Variants in ADGRV1 observed in about 807,000 individuals in gnomAD.
The protein encoded by ADGRV1 is G-protein coupled receptor 98.
Under a neutral mutation model 596.2 loss-of-function variants are expected in ADGRV1, and 359 were observed. The observed-to-expected ratio is 0.60, with a 90% CI of 0.55 to 0.66. The LOEUF is 0.66. Among genes scored for constraint, ADGRV1 ranks in the 30% least tolerant of loss-of-function variants. The pLI is 0.00. For synonymous variants in ADGRV1, 2,681 were observed against 2,679.2 expected, an observed-to-expected ratio of 1.00 and a Z score of -0.02; for missense variants, 7,274 against 7,575.6, an observed-to-expected ratio of 0.96 and a Z score of 1.48.
chr5:90,661,727 C>A (rs971411331), intron 21 of ADGRV1, among the ~76,000 whole-genome samples: 1 of 152,068 alleles, frequency 6.6e-6, no homozygotes, highest in Admixed American at 6.6e-5. Context: ...TAGTGAGAAA[C>A]TGTTTGGGGA....
intron 1 of ADGRV1, among the ~76,000 whole-genome samples, chr5:90,599,384 G>A (rs893769278): frequency 1.3e-5 from 2 of 152,008 alleles, no homozygotes; most frequent in African/African-American, 2.4e-5. Flanking sequence ...CCCTTGACAT[G>A]GAATTTTTAA....
intron 77 of ADGRV1, among the ~76,000 whole-genome samples, chr5:90,837,376 T>C (rs1159838514): frequency 2.0e-5 from 3 of 149,028 alleles, no homozygotes; most frequent in Non-Finnish European, 3.0e-5. Flanking sequence ...TTTTTTTTTT[T>C]CTTTTTTTTT....
chr5:90,878,705 T>A (rs943412197), intron 83 of ADGRV1, among the ~76,000 whole-genome samples: 2 of 152,172 alleles, frequency 1.3e-5, no homozygotes, highest in African/African-American at 4.8e-5. Flanking sequence ...GTCATGATGG[T>A]GTCCTTAAGC....
intron 48 of ADGRV1, among the ~76,000 whole-genome samples, chr5:90,728,265 C>T (rs535630950): frequency 5.7e-4 from 86 of 152,182 alleles, no homozygotes; most frequent in Non-Finnish European, 1.1e-3. Context: ...TTCTATTGCT[C>T]GAGCAATTGA....
intron 34 of ADGRV1, among the ~76,000 whole-genome samples, chr5:90,698,431 A>T (rs919512211): frequency 6.6e-6 from 1 of 152,190 alleles, no homozygotes; most frequent in Non-Finnish European, 1.5e-5. Flanking sequence ...GGTAGTGCTT[A>T]TGCCCAGCTG....
chr5:90,908,522 A>T (rs1772535888), intron 83 of ADGRV1, among the ~76,000 whole-genome samples: 1 of 152,156 alleles, frequency 6.6e-6, no homozygotes. Context: ...TCCTATTCTG[A>T]TTCTTCATAT....
intron 4 of ADGRV1, 78 bp downstream of exon 4, chr5:90,619,259 T>A: frequency 3.2e-6 from 2 of 630,324 alleles, no homozygotes; most frequent in Non-Finnish European, 5.2e-6. Flanking sequence ...TTCATGATGT[T>A]AGCTAGTATC....
chr5:90,845,878 C>T (rs1000868600), intron 78 of ADGRV1, among the ~76,000 whole-genome samples: 3 of 152,120 alleles, frequency 2.0e-5, no homozygotes, highest in African/African-American at 7.2e-5. Context: ...TTATCATATT[C>T]AGTTTGCTTG....
chr5:90,729,527 A>G (rs1392216190), intron 49 of ADGRV1, 115 bp from the exon 50 acceptor site: 1 of 815,508 alleles, frequency 1.2e-6, no homozygotes, highest in Non-Finnish European at 1.9e-6. Context: ...ATTGGACTAA[A>G]TGGATTCTGA....
At chr5:90,740,571 T>C (rs73175300) in intron 50 of ADGRV1, among the ~76,000 whole-genome samples, 1,846 of 152,226 alleles carry the variant, frequency 0.012, 32 homozygotes, top group African/African-American at 0.043. Flanking sequence ...AGCAATGCTG[T>C]TGGGTATTCT....
chr5:91,136,734 G>A (rs1455375523), intron 87 of ADGRV1, among the ~76,000 whole-genome samples: 2 of 152,206 alleles, frequency 1.3e-5, no homozygotes, highest in African/African-American at 4.8e-5. Flanking sequence ...TAAATAAAAT[G>A]TAGTTACACA....
intron 83 of ADGRV1, among the ~76,000 whole-genome samples, chr5:90,956,196 T>G (rs191325171): frequency 1.3e-5 from 2 of 152,288 alleles, no homozygotes; most frequent in Admixed American, 1.3e-4. Context: ...TTTCCCATTA[T>G]ATATTTCAAA....
At chr5:90,810,126 T>C in intron 73 of ADGRV1, 107 bp from the exon 74 acceptor site, 1 of 860,006 alleles carries the variant, frequency 1.2e-6, no homozygotes, top group Non-Finnish European at 1.8e-6. Context: ...CATTGTTAAG[T>C]TGCTGCCCTC....
chr5:90,848,596 A>T (rs1483923199), intron 78 of ADGRV1, 41 bp from the exon 79 acceptor site: 2 of 1,175,342 alleles, frequency 1.7e-6, no homozygotes, highest in South Asian at 4.3e-5. Flanking sequence ...TAAGAAATTT[A>T]TTTTTATAGA....
intron 87 of ADGRV1, among the ~76,000 whole-genome samples, chr5:91,144,106 G>A (rs1795336693): frequency 6.6e-6 from 1 of 152,120 alleles, no homozygotes; most frequent in South Asian, 2.1e-4. Flanking sequence ...CCTTGAGAGT[G>A]CAGAGATGCC....
intron 34 of ADGRV1, among the ~76,000 whole-genome samples, chr5:90,698,513 T>G (rs1747491378): frequency 6.6e-6 from 1 of 152,176 alleles, no homozygotes; most frequent in South Asian, 2.1e-4. Flanking sequence ...AACTCACGTC[T>G]GCTGCAGAAC....
intron 83 of ADGRV1, among the ~76,000 whole-genome samples, chr5:90,904,265 T>C (rs2150656115): frequency 6.6e-6 from 1 of 152,268 alleles, no homozygotes; most frequent in East Asian, 1.9e-4. Context: ...TCCTTTCTTT[T>C]GGGTATATAC....
intron 10 of ADGRV1, among the ~76,000 whole-genome samples, chr5:90,635,606 T>C (rs1242696955): frequency 6.9e-6 from 1 of 145,880 alleles, no homozygotes; most frequent in South Asian, 2.2e-4. Flanking sequence ...TTTTTTTTTT[T>C]CTTTGAGAGA....
rs10068473 is a variant in ADGRV1, at chr5:90,694,728, C to T, written c.7945+27C>T. The T allele has an allele frequency of 2.6e-4, 393 of 1,520,224 alleles. 2 individuals are homozygous for T. The African/African-American group carries it at 4.9e-3, about 19-fold the overall frequency. 94.2% of individuals were successfully genotyped at this position (1,520,224 alleles called of 1,614,324 possible). On this transcript the variant is annotated intron_variant, in intron 33 of 89. Coordinates refer to ENST00000405460, the MANE Select transcript of ADGRV1 (RefSeq NM_032119.4). ...TGAGCAATGGTTCTAAATGAATTTC[C>T]GTTGCCCCAGTAAAGTCATCATAGT...
Sources: allele counts gnomAD v4.1 joint callset (sites outside exome capture counted in the v4.1 genomes callset), GRCh38; gene constraint gnomAD v4.1.1; transcripts MANE v1.5; gene names NCBI Gene and HGNC (gene_info 2026-07-23, HGNC 2026-07-21).